Variants in ZNF574 observed in about 807,000 individuals in gnomAD.
ZNF574 encodes the protein zinc finger protein 574.
A neutral mutation model predicts 56.6 loss-of-function variants in ZNF574; 25 were observed. That is an observed-to-expected ratio of 0.44 (90% confidence interval 0.32 to 0.62). The LOEUF is 0.62. ZNF574 is among the 20% of genes least tolerant of loss of function. ZNF574 has a pLI of 0.04. For missense variants in ZNF574, 1,065 were observed against 1,218.9 expected, an observed-to-expected ratio of 0.87 and a Z score of 1.88; for synonymous variants, 543 against 492.1, an observed-to-expected ratio of 1.10 and a Z score of -1.37.
Position 42,079,122 on chromosome 19 carries a change from G to A in ZNF574, c.516G>A (p.Val172=), listed in dbSNP as rs1223019236. ...LGSPVVLGPP[V]GQARVAVEHS... ...CCCCAGTTGTTCTAGGGCCTCCTGT[G>A]GGCCAGGCCCGAGTGGCTGTGGAGC... Residue 172 remains valine (V), a synonymous_variant, in exon 2 of 2, where the codon GTG becomes GTA. Coordinates refer to ENST00000359044, the MANE Select transcript of ZNF574 (RefSeq NM_022752.6). The surrounding 1 kb of genome is among the most constrained non-coding windows in gnomAD (Gnocchi z 4.3). The A allele has an allele frequency of 9.9e-6, 16 of 1,613,910 alleles. No homozygotes were observed. Among genetic ancestry groups the A allele is most frequent in the African/African-American group, 6.7e-5 (5 of 74,908 alleles).
At chr19:42,070,417 C>T (rs747976281) in intron 1 of ZNF574, 3 of 152,824 alleles carry the variant, frequency 2.0e-5, no homozygotes, top group Admixed American at 6.5e-5. Context: ...GAGCCACCCC[C>T]TCTACCACAC....
At chr19:42,076,657 C>G (rs2076458077) in intron 1 of ZNF574, among the ~76,000 whole-genome samples, 1 of 152,074 alleles carries the variant, frequency 6.6e-6, no homozygotes, top group Admixed American at 6.5e-5. Flanking sequence ...GGGGCTGGGC[C>G]GGTTAGACGG....
upstream of ZNF574, among the ~76,000 whole-genome samples, chr19:42,075,626 G>GT (rs2076449657): frequency 6.6e-6 from 1 of 152,136 alleles, no homozygotes; most frequent in Non-Finnish European, 1.5e-5. Context: ...GCTGCATGCA[G>GT]TTTGCCCTCT....
chr19:42,072,645 C>A (rs184736593), upstream of ZNF574, among the ~76,000 whole-genome samples: 146 of 152,048 alleles, frequency 9.6e-4, no homozygotes, highest in Non-Finnish European at 1.2e-3. Flanking sequence ...TGGCTCACTG[C>A]AACCTCCGCC....
chr19:42,074,002 G>C (rs1267532849), upstream of ZNF574, among the ~76,000 whole-genome samples: 1 of 151,616 alleles, frequency 6.6e-6, no homozygotes, highest in Non-Finnish European at 1.5e-5. Context: ...GAGTGGTGGT[G>C]TCTGCCTGTA....
At chr19:42,077,621 T>A (rs961912049) in intron 1 of ZNF574, among the ~76,000 whole-genome samples, 2 of 152,002 alleles carry the variant, frequency 1.3e-5, no homozygotes, top group African/African-American at 2.4e-5. Flanking sequence ...GATCTGGGTA[T>A]CTCAGAGGGG....
chr19:42,074,624 C>T (rs757013327), upstream of ZNF574: 1 of 152,094 alleles, frequency 6.6e-6, no homozygotes, highest in African/African-American at 2.4e-5. Flanking sequence ...AGGCTCAGGA[C>T]AGTTGACTTG....
chr19:42,075,284 G>A (rs1421062266), upstream of ZNF574: 2 of 152,432 alleles, frequency 1.3e-5, no homozygotes, highest in African/African-American at 4.8e-5. Flanking sequence ...GACACATGGG[G>A]CCCCAATCTC....
In ZNF574 at chr19:42,078,678, G is replaced by A. The variant is rs904323680; in HGVS notation, c.72G>A (p.Leu24=). ...ATGTCTGCTCTGAGTGCAACCAGCT[G>A]TATGGATCACTGGAAGAGGTGCTTA... ...HRYVCSECNQ[L]YGSLEEVLMH... Residue 24 remains leucine (L), a synonymous_variant, in exon 2 of 2, where the codon CTG becomes CTA. Coordinates refer to ENST00000359044, the MANE Select transcript of ZNF574 (RefSeq NM_022752.6). The A allele has an allele frequency of 2.5e-6, 4 of 1,614,050 alleles. No homozygotes were observed. The highest frequency in any genetic ancestry group is 1.7e-4 in the Middle Eastern group (1 of 6,044).
upstream of ZNF574, among the ~76,000 whole-genome samples, chr19:42,071,431 G>A (rs1195309449): frequency 7.9e-5 from 12 of 152,248 alleles, no homozygotes; most frequent in South Asian, 2.1e-4. Context: ...ATATGTGACC[G>A]CATGCCTCGA....
At chr19:42,077,367 G>C (rs2076463241) in intron 1 of ZNF574, among the ~76,000 whole-genome samples, 1 of 151,816 alleles carries the variant, frequency 6.6e-6, no homozygotes, top group African/African-American at 2.4e-5. Flanking sequence ...AAGAAGAGGA[G>C]TTATGTTGCT....
In ZNF574 at chr19:42,079,151, C is replaced by G; in HGVS notation, c.545C>G (p.Ser182Ter). Residue 182 changes from serine to a stop codon, truncating the protein, a stop_gained, in exon 2 of 2, where the codon TCA becomes TGA. Transcript: ENST00000359044. LOFTEE classifies it high-confidence loss of function. This position sits in a 1 kb window ranked among gnomAD's most constrained non-coding sequence, Gnocchi z 4.3. ...VGQARVAVEH[S>*]YRKAEEGGEG... ...CAGGCCCGAGTGGCTGTGGAGCACTCATACCGAAAGGCAGAAGAGGGTGGG... is the reference window on the plus strand; with the variant it reads ...CAGGCCCGAGTGGCTGTGGAGCACTGATACCGAAAGGCAGAAGAGGGTGGG... The G allele has an allele frequency of 6.2e-7, 1 of 1,614,018 alleles. No homozygotes were observed.
Position 42,081,522 on chromosome 19 carries a change from G to T in ZNF574, c.*225G>T, listed in dbSNP as rs2076502505. Reference sequence around the variant, plus strand: ...TCTTAGCACTGGTGACCCCAAAAATGAAACCATCAATAAAGACTGAGTTGC... The same window carrying T: ...TCTTAGCACTGGTGACCCCAAAAATTAAACCATCAATAAAGACTGAGTTGC... On this transcript the variant is annotated 3_prime_UTR_variant, in exon 2 of 2. Transcript: ENST00000359044. The T allele has an allele frequency of 6.5e-6, 4 of 618,532 alleles. No homozygotes were observed. Among genetic ancestry groups the T allele is most frequent in the Middle Eastern group, 5.8e-4 (2 of 3,466 alleles). 38.3% of individuals were successfully genotyped at this position (618,532 alleles called of 1,614,324 possible). A position where few individuals can be genotyped will look rare whatever the true frequency, so the allele number is the denominator to read the frequency against.
upstream of ZNF574, among the ~76,000 whole-genome samples, chr19:42,071,335 G>A (rs980218610): frequency 3.3e-5 from 5 of 151,938 alleles, no homozygotes; most frequent in Non-Finnish European, 5.9e-5. Flanking sequence ...GACAGTTGGC[G>A]CCGAAGGCTG....
intron 1 of ZNF574, among the ~76,000 whole-genome samples, chr19:42,077,477 GA>G (rs2146211749): frequency 6.6e-6 from 1 of 152,260 alleles, no homozygotes; most frequent in East Asian, 1.9e-4. Context: ...GGAGGATCTG[GA>G]TATTCCTGAG....
intron 1 of ZNF574, 49 bp from the exon 2 acceptor site, chr19:42,078,538 T>C: frequency 6.6e-7 from 1 of 1,504,692 alleles, no homozygotes; most frequent in Non-Finnish European, 9.1e-7. Flanking sequence ...AGGGAAGAGC[T>C]GAGGAATCGG....
Position 42,080,875 on chromosome 19 carries a change from C to G in ZNF574, c.2269C>G (p.Arg757Gly). 8 of 1,614,082 alleles carry G rather than the reference C, an allele frequency of 5.0e-6. No homozygotes were observed. Among genetic ancestry groups the G allele is most frequent in the Non-Finnish European group, 6.8e-6 (8 of 1,180,036 alleles). ...CACAGAGACGTCACTGCAGGTGCAC[C>G]GGCGCATCCACACAGGTGAGCGGCC... Reference protein sequence around the residue: ...FSTETSLQVHRRIHTGERPYP... With the variant: ...FSTETSLQVHGRIHTGERPYP... The change falls in exon 2 of 2, where the codon CGG (arginine) becomes GGG (glycine). Residue 757 changes from arginine to glycine, a missense_variant. Arg to Gly is a moderately radical substitution (Grantham distance 125). Transcript: ENST00000359044. The surrounding 1 kb of genome is among the most constrained non-coding windows in gnomAD (Gnocchi z 8.5).
At position 42,080,662 on chromosome 19, in the gene ZNF574, G is replaced by A. The variant is rs1402123817; in HGVS notation, c.2056G>A (p.Glu686Lys). The A allele has an allele frequency of 1.9e-6, 3 of 1,612,978 alleles. No individual in the cohort carries two copies. The highest frequency in any genetic ancestry group is 1.7e-5 in the Admixed American group (1 of 59,996). The stretch of plus-strand genomic sequence containing the variant: ...CTCAGCTGCTCGACTGCAGGCACAC[G>A]AGGCGGCCCATGCAGCTGCTGGGCC... Reference protein sequence around the residue: ...VGSAARLQAHEAAHAAAGPGE... With the variant: ...VGSAARLQAHKAAHAAAGPGE... Residue 686 changes from glutamate to lysine, a missense_variant, in exon 2 of 2, where the codon GAG becomes AAG. Glu to Lys is a moderately conservative substitution (Grantham distance 56). Coordinates refer to ENST00000359044, the MANE Select transcript of ZNF574 (RefSeq NM_022752.6). The surrounding 1 kb of genome is among the most constrained non-coding windows in gnomAD (Gnocchi z 8.5).
intron 1 of ZNF574, among the ~76,000 whole-genome samples, chr19:42,077,672 A>G (rs915032935): frequency 1.3e-5 from 2 of 152,142 alleles, no homozygotes; most frequent in Non-Finnish European, 1.5e-5. Flanking sequence ...AGAAGAGGTG[A>G]TGAATGTAAA....
Sources: allele counts gnomAD v4.1 joint callset (sites outside exome capture counted in the v4.1 genomes callset), GRCh38; gene constraint gnomAD v4.1.1; non-coding constraint Gnocchi (gnomAD v3.1); transcripts MANE v1.5; gene names NCBI Gene and HGNC (gene_info 2026-07-23, HGNC 2026-07-21).